Variants in ANKRD44 observed in about 807,000 individuals in gnomAD.
The protein encoded by ANKRD44 is ankyrin repeat domain 44.
A neutral mutation model predicts 116.0 loss-of-function variants in ANKRD44; 35 were observed. That is an observed-to-expected ratio of 0.30 (90% CI 0.23 to 0.40). ANKRD44 has a LOEUF of 0.40. Among genes scored for constraint, ANKRD44 ranks in the 10% least tolerant of loss-of-function variants. The pLI is 1.00. For missense variants in ANKRD44, 1,014 were observed against 1,242.6 expected, an observed-to-expected ratio of 0.82 and a Z score of 2.77; for synonymous variants, 435 against 461.8, an observed-to-expected ratio of 0.94 and a Z score of 0.74.
intron 1 of ANKRD44, among the ~76,000 whole-genome samples, chr2:197,210,509 C>T (rs976625688): frequency 2.0e-5 from 3 of 152,200 alleles, no homozygotes; most frequent in Non-Finnish European, 4.4e-5. Flanking sequence ...TGAGCTGGTT[C>T]CTCTGGGAAA....
At chr2:196,995,156 A>G in intron 26 of ANKRD44, 2 of 319,172 alleles carry the variant, frequency 6.3e-6, no homozygotes, top group Middle Eastern at 8.4e-4. Flanking sequence ...AGACTTCACA[A>G]AATTAAATGA....
intron 10 of ANKRD44, among the ~76,000 whole-genome samples, chr2:197,092,404 T>C (rs1305434138): frequency 6.6e-6 from 1 of 152,204 alleles, no homozygotes; most frequent in Non-Finnish European, 1.5e-5. Context: ...ATCTCAAAAG[T>C]TATTATGATG....
intron 2 of ANKRD44, among the ~76,000 whole-genome samples, chr2:197,164,237 G>A (rs1211381392): frequency 6.6e-6 from 1 of 152,188 alleles, no homozygotes; most frequent in African/African-American, 2.4e-5. Context: ...CGGGTCCCGG[G>A]AGGCCTGGCC....
chr2:196,973,524 A>T (rs2075730508), intron 21 of ANKRD44, among the ~76,000 whole-genome samples: 1 of 152,164 alleles, frequency 6.6e-6, no homozygotes, highest in Admixed American at 6.5e-5. Flanking sequence ...CCGGAGATTT[A>T]AAAAAATCTT....
At chr2:197,007,449 T>C (rs1178637562) in intron 20 of ANKRD44, among the ~76,000 whole-genome samples, 3 of 152,210 alleles carry the variant, frequency 2.0e-5, no homozygotes, top group African/African-American at 7.2e-5. Context: ...TTACTGGTGA[T>C]TGTGATTTTC....
At chr2:197,148,987 T>C (rs1329480286) in intron 2 of ANKRD44, among the ~76,000 whole-genome samples, 1 of 152,258 alleles carries the variant, frequency 6.6e-6, no homozygotes, top group Non-Finnish European at 1.5e-5. Context: ...GTGTATTAAT[T>C]TGTGCAATGA....
intron 25 of ANKRD44, among the ~76,000 whole-genome samples, chr2:196,996,539 G>A (rs2076014665): frequency 6.6e-6 from 1 of 152,148 alleles, no homozygotes; most frequent in Admixed American, 6.5e-5. Context: ...TGTCCATGGA[G>A]GTTTCATTCT....
intron 16 of ANKRD44, among the ~76,000 whole-genome samples, chr2:197,031,863 CA>C (rs1233264873): frequency 6.6e-6 from 1 of 151,974 alleles, no homozygotes; most frequent in Non-Finnish European, 1.5e-5. Flanking sequence ...ATTTTAACTT[CA>C]AAGCAAATAA....
At chr2:197,113,251 C>T (rs1156357134) in intron 8 of ANKRD44, among the ~76,000 whole-genome samples, 1 of 152,122 alleles carries the variant, frequency 6.6e-6, no homozygotes, top group Non-Finnish European at 1.5e-5. Context: ...CCTTAGTTGT[C>T]GGGACTGCAC....
chr2:197,301,945 T>C (rs779360671), intron 1 of ANKRD44, among the ~76,000 whole-genome samples: 4 of 151,888 alleles, frequency 2.6e-5, no homozygotes, highest in Non-Finnish European at 4.4e-5. Flanking sequence ...AAATGTGGAG[T>C]GGGCATTTTA....
intron 1 of ANKRD44, among the ~76,000 whole-genome samples, chr2:197,305,677 TG>T (rs1379968677): frequency 6.6e-6 from 1 of 152,078 alleles, no homozygotes; most frequent in Non-Finnish European, 1.5e-5. Flanking sequence ...GCTTATGTGC[TG>T]GCGTTGGCTA....
At position 197,009,004 on chromosome 2, in the gene ANKRD44, C is replaced by T. The variant is rs369658977; in HGVS notation, c.1952G>A (p.Arg651Gln). 6.8e-6 allele frequency: 11 copies of T among 1,613,794 alleles called. No individual in the cohort carries two copies. The highest frequency in any genetic ancestry group is 6.7e-5 in the African/African-American group (5 of 74,864). The stretch of plus-strand genomic sequence containing the variant: ...GTTGTCTGCAATTTCTAGCAACAGC[C>T]GTAAACACAGTGTGTGACCATTAAT... ...SVINGHTLCL[R>Q]LLLEIADNPE... The change falls in exon 19 of 28, where the codon CGG becomes CAG. Residue 651 changes from arginine to glutamine, a missense_variant. Physicochemically the swap from Arg to Gln is conservative, Grantham distance 43. Transcript: ENST00000282272.
chr2:197,201,319 G>A lies in ANKRD44; in HGVS notation c.28-14213C>T, dbSNP rs1332042513. Among the ~76,000 whole-genome samples, 1 of 152,210 alleles carries A rather than the reference G, an allele frequency of 6.6e-6. No homozygotes were observed. Among genetic ancestry groups the A allele is most frequent in the Non-Finnish European group, 1.5e-5 (1 of 68,048 alleles). Reference sequence around the variant, plus strand: ...AGTGAGTTACTGAGTTTTTAACAAGGAGAGTAAGTTACTGAGTTTAAATAA... The same window carrying A: ...AGTGAGTTACTGAGTTTTTAACAAGAAGAGTAAGTTACTGAGTTTAAATAA... On this transcript the variant is annotated intron_variant, in intron 1 of 27. Transcript: ENST00000282272. This position sits in a 1 kb window ranked among gnomAD's most constrained non-coding sequence, Gnocchi z 4.0.
At chr2:197,043,161 G>A (rs763453215) in intron 16 of ANKRD44, among the ~76,000 whole-genome samples, 90 of 152,200 alleles carry the variant, frequency 5.9e-4, no homozygotes, top group Non-Finnish European at 2.8e-4. Flanking sequence ...TAAGAAGAGA[G>A]GTGAAACTGT....
intron 2 of ANKRD44, among the ~76,000 whole-genome samples, chr2:197,166,900 A>C (rs1203265377): frequency 6.6e-6 from 1 of 152,266 alleles, no homozygotes; most frequent in African/African-American, 2.4e-5. Context: ...TTTCTTTTCA[A>C]GATAAATCAA....
At chr2:197,250,617 T>C (rs1413541020) in intron 1 of ANKRD44, among the ~76,000 whole-genome samples, 2 of 152,226 alleles carry the variant, frequency 1.3e-5, no homozygotes, top group African/African-American at 4.8e-5. Flanking sequence ...GCACATCTAG[T>C]ACCAGGCACC....
Position 196,993,634 on chromosome 2 carries a change from C to G in ANKRD44, c.2872G>C (p.Val958Leu). ...VAARNGLKVV[V>L]EELLAKGACV... Reference sequence around the variant, plus strand: ...GCCCCTTTGGCCAGCAACTCCTCAACTACCACCTTTAAGCCATTGCGCGCA... The same window carrying G: ...GCCCCTTTGGCCAGCAACTCCTCAAGTACCACCTTTAAGCCATTGCGCGCA... Residue 958 changes from valine (V) to leucine (L), a missense_variant, in exon 27 of 28, where the codon GTT becomes CTT. Coordinates refer to ENST00000282272, the MANE Select transcript of ANKRD44 (RefSeq NM_001195144.2). The G allele has an allele frequency of 3.2e-6, 5 of 1,551,090 alleles. No individual in the cohort carries two copies. The highest frequency in any genetic ancestry group is 4.4e-6 in the Non-Finnish European group (5 of 1,147,092).
intron 16 of ANKRD44, among the ~76,000 whole-genome samples, chr2:197,059,279 A>C (rs1371468292): frequency 6.6e-6 from 1 of 152,222 alleles, no homozygotes; most frequent in Admixed American, 6.5e-5. Context: ...AAAAATTTGC[A>C]ATGGAAAAAG....
intron 1 of ANKRD44, among the ~76,000 whole-genome samples, chr2:197,260,495 A>G (rs1281090523): frequency 1.3e-5 from 2 of 152,080 alleles, no homozygotes; most frequent in African/African-American, 2.4e-5. Flanking sequence ...TTGGACATTT[A>G]GGTTGGTTCC....
Sources: gnomAD v4.1 joint callset for allele counts (sites outside exome capture counted in the v4.1 genomes callset) on GRCh38, gnomAD v4.1.1 for gene constraint, Gnocchi (gnomAD v3.1) non-coding constraint, MANE v1.5 for transcripts, NCBI Gene and HGNC (gene_info 2026-07-23, HGNC 2026-07-21) for gene names.